The following ERI3 variants were observed in gnomAD, a reference collection of about 807,000 sequenced individuals.
ERI3 encodes the protein ERI1 exoribonuclease 3.
In ERI3, 18 loss-of-function variants were observed where a neutral mutation model predicts 44.4. The ratio of observed to expected loss-of-function variants is 0.41; its 90% CI spans 0.28 to 0.60. The LOEUF (loss-of-function observed/expected upper bound fraction) is 0.60. Ranked by LOEUF, ERI3 falls within the 20% of genes least tolerant of loss-of-function variation. ERI3 has a pLI of 0.36. For synonymous variants in ERI3, 183 were observed against 164.8 expected, an observed-to-expected ratio of 1.11 and a Z score of -0.84; for missense variants, 294 against 435.5, an observed-to-expected ratio of 0.68 and a Z score of 2.89.
In ERI3 at chr1:44,228,727, C is replaced by G. The variant is rs1169591956; in HGVS notation, c.932-7087G>C. ...GTGCCTGGCCGGGAGGGCACAGTGC[C>G]TGGAAACCCCTTTGCCAGCATCCCA... On this transcript the variant is annotated intron_variant, in intron 8 of 8. Coordinates refer to ENST00000372257, the MANE Select transcript of ERI3 (RefSeq NM_024066.3). The surrounding 1 kb of genome is among the most constrained non-coding windows in gnomAD (Gnocchi z 4.3). Among the ~76,000 whole-genome samples, 1 of 152,194 alleles carries G rather than the reference C, an allele frequency of 6.6e-6. No individual in the cohort carries two copies. The highest frequency in any genetic ancestry group is 1.5e-5 in the Non-Finnish European group (1 of 68,040).
intron 6 of ERI3, among the ~76,000 whole-genome samples, chr1:44,306,844 G>A (rs1221989940): frequency 6.6e-6 from 1 of 152,188 alleles, no homozygotes; most frequent in Non-Finnish European, 1.5e-5. Context: ...CTTCCTCCTG[G>A]GCCATATGAA....
intron 2 of ERI3, among the ~76,000 whole-genome samples, chr1:44,344,065 C>T (rs1001206982): frequency 2.0e-5 from 3 of 151,700 alleles, no homozygotes; most frequent in African/African-American, 4.8e-5. Flanking sequence ...ATGGCAAAAC[C>T]CCATCTCTAC....
chr1:44,232,917 T>C (rs56170213), intron 8 of ERI3, among the ~76,000 whole-genome samples: 3,630 of 152,310 alleles, frequency 0.024, 61 homozygotes, highest in Non-Finnish European at 0.036. Flanking sequence ...GTTTCTGTCC[T>C]AGCAACGTAA....
chr1:44,327,022 G>A (rs1006752482), intron 3 of ERI3, among the ~76,000 whole-genome samples: 4 of 152,192 alleles, frequency 2.6e-5, no homozygotes, highest in Non-Finnish European at 4.4e-5. Flanking sequence ...CTCAGAAACA[G>A]CCACAGTTCA....
chr1:44,238,221 G>C (rs1250507467), intron 8 of ERI3, among the ~76,000 whole-genome samples: 1 of 152,100 alleles, frequency 6.6e-6, no homozygotes, highest in Non-Finnish European at 1.5e-5. Context: ...CGTAAATTGA[G>C]ATTTATGGCT....
chr1:44,316,776 C>T (rs928220612), intron 4 of ERI3, among the ~76,000 whole-genome samples: 1 of 151,756 alleles, frequency 6.6e-6, no homozygotes, highest in African/African-American at 2.4e-5. Context: ...GTTTTTTTTT[C>T]ATGATAACAA....
chr1:44,329,740 T>A (rs1221348626), intron 3 of ERI3, among the ~76,000 whole-genome samples: 1 of 152,152 alleles, frequency 6.6e-6, no homozygotes, highest in African/African-American at 2.4e-5. Context: ...ACATTACCAC[T>A]AAGGAACTCA....
chr1:44,283,365 C>A (rs761804396), intron 7 of ERI3, among the ~76,000 whole-genome samples: 2 of 152,204 alleles, frequency 1.3e-5, no homozygotes, highest in South Asian at 2.1e-4. Context: ...AGGAAATACA[C>A]ATGGATTCAG....
intron 1 of ERI3, chr1:44,353,492 G>A: frequency 1.0e-6 from 1 of 985,452 alleles, no homozygotes; most frequent in Non-Finnish European, 1.2e-6. Flanking sequence ...AAGTTGCAGA[G>A]ATGCCCCTGT....
intron 6 of ERI3, among the ~76,000 whole-genome samples, chr1:44,293,906 T>G (rs573731465): frequency 1.1e-4 from 16 of 152,228 alleles, no homozygotes; most frequent in African/African-American, 3.9e-4. Context: ...CATGTAACAC[T>G]GGGCTGGGCT....
At chr1:44,347,889 G>C (rs1646815897) in intron 2 of ERI3, among the ~76,000 whole-genome samples, 1 of 151,916 alleles carries the variant, frequency 6.6e-6, no homozygotes, top group African/African-American at 2.4e-5. Context: ...TTGTGTGTGT[G>C]TGTGTGTGTG....
At chr1:44,313,398 C>T (rs1646015027) in intron 4 of ERI3, among the ~76,000 whole-genome samples, 170 bp from the exon 5 acceptor site, 1 of 152,070 alleles carries the variant, frequency 6.6e-6, no homozygotes, top group African/African-American at 2.4e-5. Context: ...GTCCCAGGAC[C>T]CAGGACACAA....
intron 8 of ERI3, among the ~76,000 whole-genome samples, chr1:44,232,469 T>C (rs1408046400): frequency 6.6e-6 from 1 of 152,240 alleles, no homozygotes; most frequent in Non-Finnish European, 1.5e-5. Flanking sequence ...AGGCATTCTA[T>C]GAGTATGGCT....
chr1:44,290,619 T>C (rs1645486250), intron 6 of ERI3, among the ~76,000 whole-genome samples: 1 of 152,168 alleles, frequency 6.6e-6, no homozygotes, highest in African/African-American at 2.4e-5. Flanking sequence ...TGAGTCGGTA[T>C]CCAGCACGTT....
chr1:44,346,558 T>C (rs917607725), intron 2 of ERI3, among the ~76,000 whole-genome samples: 21 of 152,036 alleles, frequency 1.4e-4, no homozygotes, highest in African/African-American at 4.8e-4. Context: ...ACACCATAAA[T>C]AGACTAGAGA....
chr1:44,304,422 G>A (rs1645791801), intron 6 of ERI3, among the ~76,000 whole-genome samples: 1 of 152,204 alleles, frequency 6.6e-6, no homozygotes, highest in African/African-American at 2.4e-5. Flanking sequence ...CCAAGTGACT[G>A]AGGAGGAGAA....
chr1:44,343,681 T>C (rs1646728311), intron 2 of ERI3, among the ~76,000 whole-genome samples: 2 of 152,164 alleles, frequency 1.3e-5, no homozygotes, highest in East Asian at 1.9e-4. Context: ...GCAAAGAACA[T>C]TCCTAGGACA....
intron 1 of ERI3, chr1:44,353,465 A>G: frequency 1.0e-6 from 1 of 985,436 alleles, no homozygotes; most frequent in Non-Finnish European, 1.2e-6. Context: ...ACTAATTCAT[A>G]TCCTCCAAAG....
chr1:44,237,792 C>G (rs886897246), intron 8 of ERI3, among the ~76,000 whole-genome samples: 1 of 152,212 alleles, frequency 6.6e-6, no homozygotes, highest in Non-Finnish European at 1.5e-5. Flanking sequence ...GCTCCCTGTA[C>G]ATCATGGTGT....
Sources: gnomAD v4.1 joint callset for allele counts (sites outside exome capture counted in the v4.1 genomes callset) on GRCh38, gnomAD v4.1.1 for gene constraint, Gnocchi (gnomAD v3.1) non-coding constraint, MANE v1.5 for transcripts, NCBI Gene and HGNC (gene_info 2026-07-23, HGNC 2026-07-21) for gene names.